SLC8A3: variants seen among roughly 807,000 people sequenced by gnomAD.
SLC8A3 encodes solute carrier family 8 member A3.
A neutral mutation model predicts 65.4 loss-of-function variants in SLC8A3; 37 were observed. That is an observed-to-expected ratio of 0.57 (90% confidence interval 0.44 to 0.74). SLC8A3 has a LOEUF of 0.74. Ranked by LOEUF, SLC8A3 falls within the 30% of genes least tolerant of loss-of-function variation. The probability of loss-of-function intolerance (pLI) is 0.00; values close to 1 mark genes in which losing one functional copy is unlikely to be tolerated. For missense variants in SLC8A3, 1,112 were observed against 1,172.1 expected (o/e 0.95, Z 0.75); for synonymous variants, 461 against 444.5 (o/e 1.04, Z -0.47).
rs868074845 is a variant in SLC8A3, at chr14:70,051,079, G to A, written c.2042C>T (p.Thr681Ile). The A allele has an allele frequency of 9.3e-6, 15 of 1,613,378 alleles. No individual in the cohort carries two copies. Among genetic ancestry groups the A allele is most frequent in the Non-Finnish European group, 1.3e-5 (15 of 1,179,466 alleles). Reference sequence around the variant, plus strand: ...GGTCCCCACAACCAAGGCCAGGTTTGTCTTCTTGATCAGTTTGTCCACCGT... The same window carrying A: ...GGTCCCCACAACCAAGGCCAGGTTTATCTTCTTGATCAGTTTGTCCACCGT... ...KTTVDKLIKK[T>I]NLALVVGTHS... Residue 681 changes from threonine (T) to isoleucine (I), a missense_variant, in exon 5 of 7, where the codon ACA (threonine) becomes ATA (isoleucine). Physicochemically the swap from Thr to Ile is moderately conservative, Grantham distance 89. Transcript: ENST00000356921.
intron 2 of SLC8A3, among the ~76,000 whole-genome samples, chr14:70,122,213 G>A (rs1004774680): frequency 2.0e-5 from 3 of 152,150 alleles, no homozygotes; most frequent in East Asian, 1.9e-4. Context: ...CCTTAGAATC[G>A]TTTATTGCTC....
chr14:70,089,119 C>T (rs1891644472), intron 2 of SLC8A3, among the ~76,000 whole-genome samples: 1 of 152,180 alleles, frequency 6.6e-6, no homozygotes, highest in African/African-American at 2.4e-5. Context: ...CTCTGTCCTC[C>T]AAACTTCTTA....
intron 3 of SLC8A3, among the ~76,000 whole-genome samples, chr14:70,053,645 C>G (rs1454985986): frequency 6.6e-6 from 1 of 152,228 alleles, no homozygotes; most frequent in Non-Finnish European, 1.5e-5. Context: ...GTCTACCTAT[C>G]AATCTAGCAC....
intron 3 of SLC8A3, among the ~76,000 whole-genome samples, chr14:70,054,296 T>A (rs892392950): frequency 6.6e-6 from 1 of 152,170 alleles, no homozygotes; most frequent in Non-Finnish European, 1.5e-5. Context: ...ATATTCCCTC[T>A]GTCTCTGTCC....
chr14:70,102,928 T>A (rs10873227), intron 2 of SLC8A3, among the ~76,000 whole-genome samples: 150,568 of 152,022 alleles, frequency 0.99, 74,573 homozygotes, highest in East Asian at 1. Flanking sequence ...CGCTGAGAAA[T>A]AAAAAGCTCA....
intron 2 of SLC8A3, among the ~76,000 whole-genome samples, chr14:70,113,275 T>C (rs1320011697): frequency 6.6e-6 from 1 of 152,178 alleles, no homozygotes; most frequent in Non-Finnish European, 1.5e-5. Flanking sequence ...TGCTCCTAGG[T>C]TACAAACCTG....
At chr14:70,068,974 T>G (rs994951820) in intron 2 of SLC8A3, among the ~76,000 whole-genome samples, 17 of 152,194 alleles carry the variant, frequency 1.1e-4, no homozygotes, top group Non-Finnish European at 1.8e-4. Context: ...GGCCTCGGCC[T>G]TCCAAGGTGC....
chr14:70,106,039 A>T (rs1481262148), intron 2 of SLC8A3, among the ~76,000 whole-genome samples: 1 of 152,196 alleles, frequency 6.6e-6, no homozygotes, highest in African/African-American at 2.4e-5. Flanking sequence ...ATTCAAACTC[A>T]TTCATGGTTT....
Position 70,166,654 on chromosome 14 carries a change from T to C in SLC8A3, c.1769A>G (p.Lys590Arg), listed in dbSNP as rs1594792838. The C allele has an allele frequency of 6.3e-7, 1 of 1,592,326 alleles. No homozygotes were observed. Among genetic ancestry groups the C allele is most frequent in the Non-Finnish European group, 8.6e-7 (1 of 1,168,114 alleles). The change falls in exon 2 of 7, where the codon AAG becomes AGG. Residue 590 changes from lysine (K) to arginine (R), a missense_variant. Coordinates refer to ENST00000356921, the MANE Select transcript of SLC8A3 (RefSeq NM_182932.3). ...FEDTYGELEF[K>R]NDETVKTIRV... Reference sequence around the variant, plus strand: ...GGTTACTTACACAGTTTCATCATTCTTGAATTCCAACTCCCCATATGTGTC... The same window carrying C: ...GGTTACTTACACAGTTTCATCATTCCTGAATTCCAACTCCCCATATGTGTC...
At chr14:70,164,719 A>AG (rs1897072849) in intron 2 of SLC8A3, among the ~76,000 whole-genome samples, 1 of 152,232 alleles carries the variant, frequency 6.6e-6, no homozygotes, top group Non-Finnish European at 1.5e-5. Context: ...CTGAATCAGA[A>AG]GAACCACAAG....
In SLC8A3 at chr14:70,188,882, C is replaced by A. The variant is rs1037979880; in HGVS notation, c.-566G>T. The A allele has an allele frequency of 2.0e-5, 3 of 152,074 alleles. No individual in the cohort carries two copies. Among genetic ancestry groups the A allele is most frequent in the African/African-American group, 7.2e-5 (3 of 41,428 alleles). 9.4% of individuals were successfully genotyped at this position (152,074 alleles called of 1,614,324 possible). ...TCCCTGGGCTGGGAGCGCGCCGGGT[C>A]TCCGCCTTGCACGCTGTCACCGCGG... On this transcript the variant is annotated 5_prime_UTR_variant, in exon 1 of 7. Transcript: ENST00000356921.
At chr14:70,066,878 C>A (rs978220769) in intron 2 of SLC8A3, among the ~76,000 whole-genome samples, 1 of 152,152 alleles carries the variant, frequency 6.6e-6, no homozygotes, top group African/African-American at 2.4e-5. Context: ...TTTGCAGTAG[C>A]CTCCTAAGAG....
intron 2 of SLC8A3, among the ~76,000 whole-genome samples, chr14:70,086,314 T>C (rs1231644402): frequency 6.6e-6 from 1 of 152,216 alleles, no homozygotes; most frequent in Admixed American, 6.5e-5. Context: ...CCTAGCTTAG[T>C]TGGACTCCAA....
At position 70,083,038 on chromosome 14, in the gene SLC8A3, G is replaced by A. The variant is rs184875482; in HGVS notation, c.1785-22099C>T. The stretch of plus-strand genomic sequence containing the variant: ...GACCTAGTCACACCTCACAATCTGA[G>A]CTCATGGTCCAAAGGAAGGTGGCCA... On this transcript the variant is annotated intron_variant, in intron 2 of 6. Coordinates refer to ENST00000356921, the MANE Select transcript of SLC8A3 (RefSeq NM_182932.3). Among the ~76,000 whole-genome samples the A allele has an allele frequency of 1.9e-3, 294 of 152,258 alleles. 3 individuals carry two copies. Among genetic ancestry groups the A allele is most frequent in the African/African-American group, 6.8e-3 (284 of 41,534 alleles).
chr14:70,070,589 A>G (rs1432646451), intron 2 of SLC8A3, among the ~76,000 whole-genome samples: 1 of 152,176 alleles, frequency 6.6e-6, no homozygotes, highest in Non-Finnish European at 1.5e-5. Context: ...GGCTGTCACA[A>G]GTGCTGCTTC....
At chr14:70,162,951 C>A (rs540622430) in intron 2 of SLC8A3, among the ~76,000 whole-genome samples, 1 of 152,314 alleles carries the variant, frequency 6.6e-6, no homozygotes, top group African/African-American at 2.4e-5. Flanking sequence ...GCTCTCATTG[C>A]TCCTTTATTC....
chr14:70,143,451 G>A (rs10444733), intron 2 of SLC8A3, among the ~76,000 whole-genome samples: 17,626 of 152,170 alleles, frequency 0.12, 1,227 homozygotes, highest in Non-Finnish European at 0.16. Context: ...AAACAGATGG[G>A]CCTGGGAGCA....
chr14:70,063,886 T>TC (rs1250474066), intron 2 of SLC8A3: 3 of 1,612,530 alleles, frequency 1.9e-6, no homozygotes, highest in Admixed American at 1.7e-5. Flanking sequence ...TTCTTGTTTT[T>TC]CTCATATGCC....
intron 2 of SLC8A3, among the ~76,000 whole-genome samples, chr14:70,133,508 T>A (rs973363870): frequency 2.0e-4 from 31 of 152,202 alleles, no homozygotes; most frequent in African/African-American, 7.5e-4. Flanking sequence ...GCATTGAGGC[T>A]GCAGGAAAGC....
Sources: gnomAD v4.1 joint callset for allele counts (sites outside exome capture counted in the v4.1 genomes callset) on GRCh38, gnomAD v4.1.1 for gene constraint, MANE v1.5 for transcripts, NCBI Gene and HGNC (gene_info 2026-07-23, HGNC 2026-07-21) for gene names.